Variants in PTPRM observed in about 807,000 individuals in gnomAD.
PTPRM encodes receptor-type tyrosine-protein phosphatase mu.
A neutral mutation model predicts 186.7 loss-of-function variants in PTPRM; 47 were observed. The ratio of observed to expected loss-of-function variants is 0.25; its 90% CI spans 0.20 to 0.32. PTPRM has a LOEUF of 0.32. PTPRM is among the 10% of genes least tolerant of loss of function. The pLI, the probability that PTPRM is intolerant of heterozygous loss-of-function variation, is 1.00. For missense variants in PTPRM, 1,494 were observed against 1,865.0 expected, an observed-to-expected ratio of 0.80 and a Z score of 3.66; for synonymous variants, 668 against 674.9, an observed-to-expected ratio of 0.99 and a Z score of 0.16.
chr18:8,118,810 AAATAT>A (rs1456436756), intron 13 of PTPRM, among the ~76,000 whole-genome samples: 8 of 137,252 alleles, frequency 5.8e-5, no homozygotes, highest in Non-Finnish European at 9.4e-5. Flanking sequence ...AAAAAAAAAA[AAATAT>A]ATATATATAT....
chr18:8,050,503 C>A (rs557337914), intron 7 of PTPRM, among the ~76,000 whole-genome samples: 18 of 149,384 alleles, frequency 1.2e-4, no homozygotes, highest in South Asian at 2.1e-4. Context: ...AAAAAAAAAA[C>A]CCTCCATACA....
intron 7 of PTPRM, among the ~76,000 whole-genome samples, chr18:8,048,059 T>G (rs1430496672): frequency 6.6e-6 from 1 of 152,188 alleles, no homozygotes; most frequent in Non-Finnish European, 1.5e-5. Flanking sequence ...CTACATTGCC[T>G]TTGTATTTTT....
Position 7,955,348 on chromosome 18 carries a change from A to C in PTPRM, c.1066A>C (p.Thr356Pro), listed in dbSNP as rs1470114113. 2 of 1,614,050 alleles carry C rather than the reference A, an allele frequency of 1.2e-6. No individual in the cohort carries two copies. Among genetic ancestry groups the C allele is most frequent in the Non-Finnish European group, 1.7e-6 (2 of 1,180,040 alleles). ...AGAATATGAGATTAGTGTGCTCCTG[A>C]CCAGGCCAGGGGAGGGTGGCACTGG... ...DTEYEISVLL[T>P]RPGEGGTGSP... is the part of the protein sequence containing the mutation. Residue 356 changes from threonine to proline, a missense_variant, in exon 7 of 33, where the codon ACC becomes CCC. Thr to Pro is a conservative substitution (Grantham distance 38). Around this residue, in one of 3 missense-constraint regions of PTPRM, gnomAD observed 91 missense variants for 169.3 expected, o/e 0.54. Coordinates refer to ENST00000580170, the MANE Select transcript of PTPRM (RefSeq NM_001105244.2).
At chr18:7,839,336 G>A (rs749509143) in intron 2 of PTPRM, among the ~76,000 whole-genome samples, 1 of 152,188 alleles carries the variant, frequency 6.6e-6, no homozygotes, top group Non-Finnish European at 1.5e-5. Context: ...GGCTCACCAA[G>A]GCCCTTGACA....
chr18:7,885,480 T>C (rs1325672508), intron 2 of PTPRM, among the ~76,000 whole-genome samples: 4 of 152,154 alleles, frequency 2.6e-5, no homozygotes, highest in Non-Finnish European at 4.4e-5. Flanking sequence ...TTCCCTTTAT[T>C]TGAGAGGACA....
At chr18:7,694,068 G>A (rs2039791165) in intron 1 of PTPRM, among the ~76,000 whole-genome samples, 1 of 152,200 alleles carries the variant, frequency 6.6e-6, no homozygotes, top group Non-Finnish European at 1.5e-5. Flanking sequence ...TGCCAGTGAA[G>A]TGATCAAGTG....
intron 7 of PTPRM, among the ~76,000 whole-genome samples, chr18:7,986,184 C>G (rs2082953847): frequency 6.6e-6 from 1 of 152,122 alleles, no homozygotes. Context: ...AACAGATCCC[C>G]TATAGTTCAA....
At chr18:8,295,579 AG>A (rs1358122998) in intron 19 of PTPRM, among the ~76,000 whole-genome samples, 1 of 152,158 alleles carries the variant, frequency 6.6e-6, no homozygotes, top group Non-Finnish European at 1.5e-5. Flanking sequence ...GAAGTATGTG[AG>A]TACCGTGGCA....
At chr18:7,581,025 A>G (rs1229701292) in intron 1 of PTPRM, among the ~76,000 whole-genome samples, 2 of 152,248 alleles carry the variant, frequency 1.3e-5, no homozygotes, top group Non-Finnish European at 2.9e-5. Context: ...TCTCGTGGAC[A>G]CAGTGAGCAA....
At chr18:7,954,028 G>T (rs36093720) in intron 6 of PTPRM, among the ~76,000 whole-genome samples, 29,555 of 152,090 alleles carry the variant, frequency 0.19, 3,076 homozygotes, top group African/African-American at 0.22. Context: ...GGAGATTTAT[G>T]CCGGTAGAAA....
intron 2 of PTPRM, 28 bp from the exon 3 acceptor site, chr18:7,888,078 A>G: frequency 1.2e-6 from 2 of 1,614,026 alleles, no homozygotes; most frequent in Non-Finnish European, 8.5e-7. Context: ...GTTTCAGGGT[A>G]TGACTCTCCT....
chr18:7,773,824 G>T (rs1357072483), intron 1 of PTPRM, among the ~76,000 whole-genome samples: 1 of 152,050 alleles, frequency 6.6e-6, no homozygotes, highest in East Asian at 1.9e-4. Context: ...AGGCGATCTG[G>T]CCGCCTCAGC....
At position 8,086,177 on chromosome 18, in the gene PTPRM, A is replaced by G. The variant is rs115826475; in HGVS notation, c.1753+305A>G. ...CCCCTTGTCAATCCCAAGTTGCCAGAGCAGTACTGTTGGAAAAATCTCTGT... is the reference window on the plus strand; with the variant it reads ...CCCCTTGTCAATCCCAAGTTGCCAGGGCAGTACTGTTGGAAAAATCTCTGT... On this transcript the variant is annotated intron_variant, in intron 10 of 32. Transcript: ENST00000580170. 5.9e-3 allele frequency among the ~76,000 whole-genome samples: 891 copies of G among 152,202 alleles called. 11 individuals carry two copies. The highest frequency in any genetic ancestry group is 0.02 in the African/African-American group (849 of 41,538).
In PTPRM at chr18:7,576,187, G is replaced by A. The variant is rs547163297; in HGVS notation, c.73+8296G>A. Among the ~76,000 whole-genome samples the A allele has an allele frequency of 2.6e-5, 4 of 152,310 alleles. No homozygotes were observed. In the South Asian group the frequency reaches 8.3e-4, roughly 32 times the overall value. On this transcript the variant is annotated intron_variant, in intron 1 of 32. Coordinates refer to ENST00000580170, the MANE Select transcript of PTPRM (RefSeq NM_001105244.2). Reference sequence around the variant, plus strand: ...ATGCACCAGCCAAAGCAGAAGCAAAGCATTTACTTTTTATGGGCTGCAAAG... The same window carrying A: ...ATGCACCAGCCAAAGCAGAAGCAAAACATTTACTTTTTATGGGCTGCAAAG...
At chr18:7,726,395 A>T (rs1463043187) in intron 1 of PTPRM, among the ~76,000 whole-genome samples, 1 of 152,194 alleles carries the variant, frequency 6.6e-6, no homozygotes. Flanking sequence ...AAAGTCGCTT[A>T]TCAGATAATA....
At chr18:8,274,557 A>G (rs2094811171) in intron 19 of PTPRM, among the ~76,000 whole-genome samples, 1 of 152,200 alleles carries the variant, frequency 6.6e-6, no homozygotes, top group Non-Finnish European at 1.5e-5. Flanking sequence ...GAACCATTTA[A>G]TCAGTGCCTG....
At chr18:7,609,450 G>A (rs1482292001) in intron 1 of PTPRM, among the ~76,000 whole-genome samples, 1 of 151,954 alleles carries the variant, frequency 6.6e-6, no homozygotes, top group East Asian at 1.9e-4. Flanking sequence ...TTCCCCTTTC[G>A]GAGAACCAGA....
At chr18:7,675,193 G>T (rs1265237650) in intron 1 of PTPRM, among the ~76,000 whole-genome samples, 3 of 152,190 alleles carry the variant, frequency 2.0e-5, no homozygotes, top group Non-Finnish European at 2.9e-5. Flanking sequence ...GTCTTTTTGG[G>T]TATTGTTGGC....
At chr18:7,929,580 T>A (rs2051360843) in intron 5 of PTPRM, among the ~76,000 whole-genome samples, 1 of 152,236 alleles carries the variant, frequency 6.6e-6, no homozygotes, top group African/African-American at 2.4e-5. Flanking sequence ...GTTAAATAGT[T>A]TATTTTCCCT....
Sources: allele counts gnomAD v4.1 joint callset (sites outside exome capture counted in the v4.1 genomes callset), GRCh38; gene constraint gnomAD v4.1.1; regional missense constraint gnomAD v4.1.1; transcripts MANE v1.5; gene names NCBI Gene and HGNC (gene_info 2026-07-23, HGNC 2026-07-21).